The following USP48 variants were observed in gnomAD, a reference collection of about 807,000 sequenced individuals.
USP48 encodes ubiquitin carboxyl-terminal hydrolase 48.
A neutral mutation model predicts 150.7 loss-of-function variants in USP48; 43 were observed. The ratio of observed to expected loss-of-function variants is 0.29; its 90% CI spans 0.22 to 0.37. The LOEUF (loss-of-function observed/expected upper bound fraction) is 0.37. USP48 is among the 10% of genes least tolerant of loss of function. The pLI, the probability that USP48 is intolerant of heterozygous loss-of-function variation, is 1.00. For missense variants in USP48, 813 were observed against 1,249.6 expected, an observed-to-expected ratio of 0.65 and a Z score of 5.27; for synonymous variants, 396 against 425.9, an observed-to-expected ratio of 0.93 and a Z score of 0.86.
Position 21,679,292 on chromosome 1 carries a change from T to C in USP48, c.*125A>G. Reference sequence around the variant, plus strand: ...TTTGGGACAGTCACGTTTGAATGGATTTCTGCCTTTTGGAAGGGGCATGTA... The same window carrying C: ...TTTGGGACAGTCACGTTTGAATGGACTTCTGCCTTTTGGAAGGGGCATGTA... On this transcript the variant is annotated 3_prime_UTR_variant, in exon 27 of 27. Transcript: ENST00000308271. 1 of 1,227,446 alleles carries C rather than the reference T, an allele frequency of 8.1e-7. No individual in the cohort carries two copies. Among genetic ancestry groups the C allele is most frequent in the Non-Finnish European group, 1.2e-6 (1 of 832,916 alleles). 76.0% of individuals were successfully genotyped at this position (1,227,446 alleles called of 1,614,324 possible).
intron 15 of USP48, among the ~76,000 whole-genome samples, chr1:21,708,300 ACCAG>A (rs2097679051): frequency 6.6e-6 from 1 of 152,258 alleles, no homozygotes; most frequent in South Asian, 2.1e-4. Flanking sequence ...GGAGTTTGAA[ACCAG>A]CCTGGCCAAC....
At chr1:21,760,744 A>T (rs1021124573) in intron 1 of USP48, among the ~76,000 whole-genome samples, 18 of 151,826 alleles carry the variant, frequency 1.2e-4, no homozygotes, top group African/African-American at 4.1e-4. Context: ...AAATAAATTT[A>T]AAAAAAGGTA....
Position 21,756,531 on chromosome 1 carries a change from C to T in USP48, c.412+15G>A, listed in dbSNP as rs1173417234. ...TGTTCAGGAAGAGAGCTCTCCCCCA[C>T]CCCTTTCCACCCACCTTTTTCTTCT... On this transcript the variant is annotated intron_variant, in intron 3 of 26. Coordinates refer to ENST00000308271, the MANE Select transcript of USP48 (RefSeq NM_032236.8). 2.5e-6 allele frequency: 4 copies of T among 1,569,806 alleles called. No individual in the cohort carries two copies. The highest frequency in any genetic ancestry group is 2.8e-5 in the African/African-American group (2 of 70,438).
At position 21,757,371 on chromosome 1, in the gene USP48, G is replaced by C. The variant is rs1571995440; in HGVS notation, c.255+292C>G. 5 of 218,344 alleles carry C rather than the reference G, an allele frequency of 2.3e-5. No individual in the cohort carries two copies. The East Asian group carries it at 4.9e-4, about 21-fold the overall frequency. 13.5% of individuals were successfully genotyped at this position (218,344 alleles called of 1,614,324 possible). ...CCCTTGAATTACCATCTCCTTTAAAGAGGCGTTAAGATTTCAAAATAAAAC... is the reference window on the plus strand; with the variant it reads ...CCCTTGAATTACCATCTCCTTTAAACAGGCGTTAAGATTTCAAAATAAAAC... On this transcript the variant is annotated intron_variant, in intron 2 of 26. Coordinates refer to ENST00000308271, the MANE Select transcript of USP48 (RefSeq NM_032236.8).
At chr1:21,722,994 G>A (rs2097725796) in intron 12 of USP48, among the ~76,000 whole-genome samples, 1 of 152,166 alleles carries the variant, frequency 6.6e-6, no homozygotes, top group African/African-American at 2.4e-5. Flanking sequence ...ATTGGGGAGG[G>A]AGGTGTCATG....
intron 8 of USP48, among the ~76,000 whole-genome samples, chr1:21,745,732 C>T (rs762756768): frequency 6.6e-6 from 1 of 152,102 alleles, no homozygotes; most frequent in Admixed American, 6.6e-5. Context: ...ACAATTCAAA[C>T]TCATCCAGTC....
intron 1 of USP48, among the ~76,000 whole-genome samples, chr1:21,765,964 G>A (rs1024500040): frequency 6.8e-6 from 1 of 147,902 alleles, no homozygotes; most frequent in East Asian, 1.9e-4. Flanking sequence ...TAGGAATGGA[G>A]GAAGTTCAAG....
chr1:21,701,010 A>G (rs1327511200), intron 22 of USP48, among the ~76,000 whole-genome samples: 1 of 135,844 alleles, frequency 7.4e-6, no homozygotes, highest in Non-Finnish European at 1.5e-5. Context: ...GGTTGCAGCG[A>G]GCCGAGATTG....
chr1:21,764,265 C>G (rs913757584), intron 1 of USP48, among the ~76,000 whole-genome samples: 1 of 151,818 alleles, frequency 6.6e-6, no homozygotes, highest in African/African-American at 2.4e-5. Flanking sequence ...TGGCGAAAAC[C>G]CATCTTTACT....
intron 1 of USP48, among the ~76,000 whole-genome samples, chr1:21,768,876 T>C (rs2097870579): frequency 6.6e-6 from 1 of 152,110 alleles, no homozygotes; most frequent in Non-Finnish European, 1.5e-5. Flanking sequence ...CATAGCTCAC[T>C]GCAGCCTGGT....
Position 21,782,709 on chromosome 1 carries a change from G to C in USP48, c.134+115C>G. 3.6e-6 allele frequency: 5 copies of C among 1,377,350 alleles called. No individual in the cohort carries two copies. The South Asian group carries it at 6.2e-5, about 17-fold the overall frequency. The allele number at this position is 1,377,350 out of a possible 1,614,324, so 85.3% of individuals were successfully genotyped here. A position where few individuals can be genotyped will look rare whatever the true frequency, so the allele number is the denominator to read the frequency against. On this transcript the variant is annotated intron_variant, in intron 1 of 26. Coordinates refer to ENST00000308271, the MANE Select transcript of USP48 (RefSeq NM_032236.8). ...CAAAGGGGGAAACTCCACCTCGCTC[G>C]GCTCCGCGCCTCCCAAATGCACGCA...
chr1:21,693,043 C>T (rs2097607680), intron 23 of USP48, among the ~76,000 whole-genome samples: 1 of 152,084 alleles, frequency 6.6e-6, no homozygotes, highest in Admixed American at 6.6e-5. Context: ...CTCTCCTCTG[C>T]TTGCGATGCT....
chr1:21,682,507 C>T (rs1260547216), intron 25 of USP48, among the ~76,000 whole-genome samples: 3 of 151,182 alleles, frequency 2.0e-5, no homozygotes, highest in African/African-American at 7.3e-5. Flanking sequence ...TATGCTATTT[C>T]CTCGACATAT....
intron 1 of USP48, among the ~76,000 whole-genome samples, chr1:21,763,031 G>A (rs528546842): frequency 2.0e-5 from 3 of 152,040 alleles, no homozygotes; most frequent in Non-Finnish European, 4.4e-5. Flanking sequence ...AGAAAAGGTA[G>A]GCTCTCCCTG....
intron 11 of USP48, among the ~76,000 whole-genome samples, chr1:21,726,834 A>G (rs2097738733): frequency 6.6e-6 from 1 of 152,188 alleles, no homozygotes; most frequent in African/African-American, 2.4e-5. Context: ...CAAATGAGGG[A>G]GAACTCTCCT....
intron 9 of USP48, among the ~76,000 whole-genome samples, chr1:21,731,991 G>T (rs895749808): frequency 6.6e-6 from 1 of 152,132 alleles, no homozygotes; most frequent in Non-Finnish European, 1.5e-5. Context: ...ACATGAAAAC[G>T]ATTTTCAAAT....
chr1:21,731,370 T>C (rs953369231), intron 9 of USP48, among the ~76,000 whole-genome samples: 1 of 151,792 alleles, frequency 6.6e-6, no homozygotes, highest in Non-Finnish European at 1.5e-5. Flanking sequence ...TTCAAGTGAT[T>C]CTCCTGCCTT....
chr1:21,753,142 T>G (rs1411289529), intron 3 of USP48, 23 bp from the exon 4 acceptor site: 4 of 1,583,750 alleles, frequency 2.5e-6, no homozygotes, highest in Non-Finnish European at 3.4e-6. Context: ...AAATATAGAT[T>G]TGGGGTTTTT....
At chr1:21,748,673 G>A (rs1339719289) in intron 6 of USP48, among the ~76,000 whole-genome samples, 1 of 152,266 alleles carries the variant, frequency 6.6e-6, no homozygotes, top group Non-Finnish European at 1.5e-5. Context: ...CACTTTGGGA[G>A]GCCGAGGTGG....
Sources: allele counts gnomAD v4.1 joint callset (sites outside exome capture counted in the v4.1 genomes callset), GRCh38; gene constraint gnomAD v4.1.1; transcripts MANE v1.5; gene names NCBI Gene and HGNC (gene_info 2026-07-23, HGNC 2026-07-21).